Variants in CLASP2 observed in about 807,000 individuals in gnomAD.
The protein encoded by CLASP2 is CLIP-associating protein 2.
In CLASP2, 47 loss-of-function variants were observed where a neutral mutation model predicts 194.4. That is an observed-to-expected ratio of 0.24 (90% CI 0.19 to 0.31). The LOEUF is 0.31. Among genes scored for constraint, CLASP2 ranks in the 10% least tolerant of loss-of-function variants. The pLI, the probability that CLASP2 is intolerant of heterozygous loss-of-function variation, is 1.00. For missense variants in CLASP2, 1,445 were observed against 1,823.6 expected, an observed-to-expected ratio of 0.79 and a Z score of 3.78; for synonymous variants, 619 against 633.5, an observed-to-expected ratio of 0.98 and a Z score of 0.34.
chr3:33,700,447 TA>T (rs1378438856), intron 1 of CLASP2, among the ~76,000 whole-genome samples: 2 of 151,878 alleles, frequency 1.3e-5, no homozygotes, highest in Non-Finnish European at 2.9e-5. Context: ...AAAAAAACCT[TA>T]AAAATATATG....
chr3:33,693,975 G>A (rs894591623), intron 2 of CLASP2, among the ~76,000 whole-genome samples: 2 of 151,864 alleles, frequency 1.3e-5, no homozygotes, highest in Non-Finnish European at 2.9e-5. Flanking sequence ...ACTGTATTAA[G>A]AATCACAGAG....
In CLASP2 at chr3:33,708,471, GGT is replaced by G. The variant is rs1016631656; in HGVS notation, c.195+9335_195+9336del. On this transcript the variant is annotated intron_variant, in intron 1 of 38. Transcript: ENST00000682230. ...GTGTGTGTCATGTGTTGTGTGTGTGGGTGTGTGTGTGTGTGTATGTATATATA... is the reference window on the plus strand; with the variant it reads ...GTGTGTGTCATGTGTTGTGTGTGTGGGTGTGTGTGTGTGTATGTATATATA... Among the ~76,000 whole-genome samples the G allele has an allele frequency of 1.8e-3, 166 of 91,038 alleles. 2 individuals carry two copies. The East Asian group carries it at 0.03, about 16-fold the overall frequency. The allele number at this position is 91,038 out of a possible 152,430, so 59.7% of individuals were successfully genotyped here. A position where few individuals can be genotyped will look rare whatever the true frequency, so the allele number is the denominator to read the frequency against.
chr3:33,543,547 AG>A lies in CLASP2; in HGVS notation c.3298-9del. 2.6e-6 allele frequency: 4 copies of A among 1,529,344 alleles called. No individual in the cohort carries two copies. The highest frequency in any genetic ancestry group is 2.7e-6 in the Non-Finnish European group (3 of 1,102,998). 94.7% of individuals were successfully genotyped at this position (1,529,344 alleles called of 1,614,324 possible). ...AGGACTCCCCATGGAACTCTGATGAAGGGAGTCAAAGAAATATTAACATATT... is the reference window on the plus strand; with the variant it reads ...AGGACTCCCCATGGAACTCTGATGAAGGAGTCAAAGAAATATTAACATATT... On this transcript the variant is annotated splice_polypyrimidine_tract_variant and intron_variant, in intron 31 of 38. Coordinates refer to ENST00000682230, the MANE Select transcript of CLASP2 (RefSeq NM_001365631.1).
intron 16 of CLASP2, among the ~76,000 whole-genome samples, chr3:33,604,981 A>G (rs138510491): frequency 6.6e-6 from 1 of 152,362 alleles, no homozygotes; most frequent in Admixed American, 6.5e-5. Context: ...TTAAGCTAAC[A>G]TCACATTATT....
chr3:33,588,349 T>C (rs1189341691), intron 21 of CLASP2, among the ~76,000 whole-genome samples: 1 of 152,194 alleles, frequency 6.6e-6, no homozygotes, highest in East Asian at 1.9e-4. Context: ...AATAGCATGC[T>C]ACCAGAAAAT....
intron 27 of CLASP2, chr3:33,564,011 T>C (rs1224513561): frequency 2.5e-5 from 11 of 435,946 alleles, no homozygotes; most frequent in African/African-American, 4.1e-5. Context: ...ACTTCTTGGA[T>C]TGCAAGTCAG....
chr3:33,531,418 A>G (rs1044219477), intron 34 of CLASP2, among the ~76,000 whole-genome samples: 2 of 152,238 alleles, frequency 1.3e-5, no homozygotes, highest in Non-Finnish European at 2.9e-5. Context: ...GATGGTAATC[A>G]AATGGCCAAT....
intron 34 of CLASP2, among the ~76,000 whole-genome samples, chr3:33,527,896 G>T (rs2055039125): frequency 6.6e-6 from 1 of 152,122 alleles, no homozygotes; most frequent in South Asian, 2.1e-4. Context: ...CCAGAAGGTG[G>T]AAGTTGCAGA....
chr3:33,615,359 A>G (rs2075937049), intron 12 of CLASP2, among the ~76,000 whole-genome samples: 1 of 150,716 alleles, frequency 6.6e-6, no homozygotes, highest in African/African-American at 2.4e-5. Flanking sequence ...TCTTGACAAT[A>G]AGGAACTTCT....
chr3:33,671,664 G>A (rs1035747503), intron 6 of CLASP2, among the ~76,000 whole-genome samples: 1 of 152,204 alleles, frequency 6.6e-6, no homozygotes, highest in African/African-American at 2.4e-5. Context: ...GAAGCACAAG[G>A]GGTCAGGGAG....
chr3:33,638,752 A>C (rs1279496615), intron 8 of CLASP2, among the ~76,000 whole-genome samples: 1 of 152,236 alleles, frequency 6.6e-6, no homozygotes, highest in Non-Finnish European at 1.5e-5. Flanking sequence ...TATGTGATAA[A>C]TGTAAGCCAA....
intron 1 of CLASP2, among the ~76,000 whole-genome samples, chr3:33,715,674 T>C (rs1282523623): frequency 6.6e-6 from 1 of 152,082 alleles, no homozygotes; most frequent in African/African-American, 2.4e-5. Flanking sequence ...GGCACTCAAA[T>C]TTACTAACAC....
Position 33,687,151 on chromosome 3 carries a change from G to A in CLASP2, c.471-16C>T. On this transcript the variant is annotated splice_polypyrimidine_tract_variant and intron_variant, in intron 4 of 38. Coordinates refer to ENST00000682230, the MANE Select transcript of CLASP2 (RefSeq NM_001365631.1). ...AGCCCCAAAACTAAATATAATTTGAGAAAAAAATAAAGAAAATTTGTTTTT... is the reference window on the plus strand; with the variant it reads ...AGCCCCAAAACTAAATATAATTTGAAAAAAAAATAAAGAAAATTTGTTTTT... 3.3e-6 allele frequency: 5 copies of A among 1,517,000 alleles called. No homozygotes were observed. Among genetic ancestry groups the A allele is most frequent in the South Asian group, 2.5e-5 (2 of 80,264 alleles). The allele number at this position is 1,517,000 out of a possible 1,614,324, so 94.0% of individuals were successfully genotyped here. A position where few individuals can be genotyped will look rare whatever the true frequency, so the allele number is the denominator to read the frequency against.
At chr3:33,647,988 G>A (rs1211804262) in intron 7 of CLASP2, among the ~76,000 whole-genome samples, 2 of 151,338 alleles carry the variant, frequency 1.3e-5, no homozygotes, top group Admixed American at 6.6e-5. Flanking sequence ...AGCTGAGATC[G>A]CACCACTGCA....
In CLASP2 at chr3:33,513,332, A is replaced by G. The variant is rs534921001; in HGVS notation, c.4111-2568T>C. On this transcript the variant is annotated intron_variant, in intron 36 of 38. Coordinates refer to ENST00000682230, the MANE Select transcript of CLASP2 (RefSeq NM_001365631.1). ...GCCAGGCAGATCACTTGAGGCCAGG[A>G]GTTCGAGACCAGCCTTGCAAACACA... Among the ~76,000 whole-genome samples the G allele has an allele frequency of 3.9e-5, 6 of 152,298 alleles. No individual in the cohort carries two copies. The East Asian group carries it at 7.7e-4, about 20-fold the overall frequency.
intron 34 of CLASP2, 142 bp from the exon 35 acceptor site, chr3:33,517,316 T>C (rs7635999): frequency 0.42 from 259,486 of 612,536 alleles, 56,861 homozygotes; most frequent in Admixed American, 0.56. Flanking sequence ...CATTAAGTAA[T>C]CTTCTTTTCA....
At chr3:33,619,038 C>T (rs970344078) in intron 12 of CLASP2, among the ~76,000 whole-genome samples, 2 of 152,116 alleles carry the variant, frequency 1.3e-5, no homozygotes, top group African/African-American at 2.4e-5. Context: ...TCCTAGGCTA[C>T]GAACCTGTAG....
chr3:33,660,181 G>C (rs1381445307), intron 7 of CLASP2, among the ~76,000 whole-genome samples: 1 of 152,140 alleles, frequency 6.6e-6, no homozygotes, highest in Non-Finnish European at 1.5e-5. Flanking sequence ...TACATCCTTG[G>C]TTTGTGCAGG....
At chr3:33,569,861 G>C (rs1284558327) in intron 26 of CLASP2, among the ~76,000 whole-genome samples, 2 of 152,028 alleles carry the variant, frequency 1.3e-5, no homozygotes, top group African/African-American at 4.8e-5. Flanking sequence ...TCTTTAAGTA[G>C]TGTTGTAAGT....
Sources: allele counts gnomAD v4.1 joint callset (sites outside exome capture counted in the v4.1 genomes callset), GRCh38; gene constraint gnomAD v4.1.1; transcripts MANE v1.5; gene names NCBI Gene and HGNC (gene_info 2026-07-23, HGNC 2026-07-21).